The following UNC13C variants were observed in gnomAD, a reference collection of about 807,000 sequenced individuals.
UNC13C encodes the protein unc-13 homolog C, also known as protein unc-13 homolog C.
A neutral mutation model predicts 245.4 loss-of-function variants in UNC13C; 174 were observed. The observed-to-expected ratio is 0.71, with a 90% CI of 0.63 to 0.80. The LOEUF is 0.80. UNC13C is among the 30% of genes least tolerant of loss of function. The pLI is 0.00. For synonymous variants in UNC13C, 992 were observed against 895.1 expected (o/e 1.11, Z -1.93); for missense variants, 2,829 against 2,602.9 (o/e 1.09, Z -1.89).
chr15:54,223,694 A>T lies in UNC13C; in HGVS notation c.3072-11336A>T, dbSNP rs370182460. Among the ~76,000 whole-genome samples, 17 of 151,680 alleles carry T rather than the reference A, an allele frequency of 1.1e-4. No homozygotes were observed. The East Asian group carries it at 2.7e-3, about 24-fold the overall frequency. On this transcript the variant is annotated intron_variant, in intron 4 of 32. Transcript: ENST00000260323. Reference sequence around the variant, plus strand: ...GAAGGGCATTAGTATTTTGATAGGGATTGTATTAAATCTGTAGATTGCTTT... The same window carrying T: ...GAAGGGCATTAGTATTTTGATAGGGTTTGTATTAAATCTGTAGATTGCTTT...
chr15:54,449,527 A>G (rs572963353), intron 19 of UNC13C, among the ~76,000 whole-genome samples: 26 of 152,124 alleles, frequency 1.7e-4, no homozygotes, highest in Admixed American at 3.9e-4. Context: ...AATTCATTTG[A>G]TATTCAATCA....
the UNC13C span, among the ~76,000 whole-genome samples, chr15:53,908,637 C>T: frequency 6.3e-5 from 9 of 142,658 alleles, 3 homozygotes; most frequent in Non-Finnish European, 1.1e-4. Context: ...CACCTGTAGT[C>T]CCAGCTTGGG....
At chr15:54,188,112 C>G (rs2034059001) in intron 4 of UNC13C, among the ~76,000 whole-genome samples, 2 of 152,096 alleles carry the variant, frequency 1.3e-5, no homozygotes, top group South Asian at 4.1e-4. Context: ...GCCTTCGAGC[C>G]CGGCCACACT....
At chr15:54,559,853 G>A (rs567562242) in intron 29 of UNC13C, among the ~76,000 whole-genome samples, 2 of 152,058 alleles carry the variant, frequency 1.3e-5, no homozygotes, top group South Asian at 4.1e-4. Flanking sequence ...ATGACTGGCT[G>A]AGTATCACAG....
At chr15:54,099,832 T>C (rs1322749190) in intron 2 of UNC13C, among the ~76,000 whole-genome samples, 1 of 152,120 alleles carries the variant, frequency 6.6e-6, no homozygotes, top group African/African-American at 2.4e-5. Context: ...CAGTGGCTCA[T>C]GCCTGTAATC....
intron 17 of UNC13C, among the ~76,000 whole-genome samples, chr15:54,374,649 GC>G (rs1300871171): frequency 6.6e-6 from 1 of 152,230 alleles, no homozygotes; most frequent in Non-Finnish European, 1.5e-5. Flanking sequence ...GCCTTCTAGG[GC>G]CCCTGAGCTC....
At chr15:54,479,946 T>G (rs1445429943) in intron 19 of UNC13C, among the ~76,000 whole-genome samples, 1 of 152,092 alleles carries the variant, frequency 6.6e-6, no homozygotes, top group Non-Finnish European at 1.5e-5. Flanking sequence ...ATTGGCAGTT[T>G]TTTGTTGTTG....
At chr15:54,420,868 T>C (rs1596351037) in intron 19 of UNC13C, among the ~76,000 whole-genome samples, 1 of 152,054 alleles carries the variant, frequency 6.6e-6, no homozygotes, top group Non-Finnish European at 1.5e-5. Context: ...TCTGGTTCAC[T>C]GAAAAGAAAT....
intron 19 of UNC13C, among the ~76,000 whole-genome samples, chr15:54,446,942 CTTA>C (rs1474953342): frequency 1.3e-5 from 2 of 152,124 alleles, no homozygotes; most frequent in Admixed American, 6.6e-5. Context: ...GTAAATAGCA[CTTA>C]TTATTTTGAG....
At chr15:54,625,533 T>G (rs1901079291) in intron 32 of UNC13C, among the ~76,000 whole-genome samples, 1 of 152,138 alleles carries the variant, frequency 6.6e-6, no homozygotes, top group Non-Finnish European at 1.5e-5. Flanking sequence ...GAGATGTCAT[T>G]TAATTCAACA....
chr15:54,452,440 G>T (rs1891230104), intron 19 of UNC13C, among the ~76,000 whole-genome samples: 1 of 152,164 alleles, frequency 6.6e-6, no homozygotes, highest in Non-Finnish European at 1.5e-5. Flanking sequence ...CCCACAGGTG[G>T]TGTATAGGGG....
chr15:54,551,686 C>A (rs548051902), intron 28 of UNC13C, among the ~76,000 whole-genome samples: 1 of 152,144 alleles, frequency 6.6e-6, no homozygotes, highest in Admixed American at 6.6e-5. Flanking sequence ...ACATGAAGGA[C>A]TAAAGATAGT....
chr15:53,993,675 C>T (rs1473382367), intron 1 of UNC13C, among the ~76,000 whole-genome samples: 3 of 152,038 alleles, frequency 2.0e-5, no homozygotes, highest in Non-Finnish European at 4.4e-5. Flanking sequence ...CAAAAGTTTA[C>T]TCAGAGGATA....
intron 16 of UNC13C, among the ~76,000 whole-genome samples, chr15:54,336,558 G>A (rs2038582378): frequency 6.6e-6 from 1 of 151,180 alleles, no homozygotes; most frequent in Non-Finnish European, 1.5e-5. Flanking sequence ...TTTTTGGTGT[G>A]TTTCTTCTAA....
chr15:54,004,662 A>C (rs145936149), intron 1 of UNC13C, among the ~76,000 whole-genome samples: 144 of 152,300 alleles, frequency 9.5e-4, no homozygotes, highest in African/African-American at 3.3e-3. Context: ...CAACATCCTC[A>C]CCAGCATTTG....
chr15:54,415,386 AG>A (rs2040498127), intron 19 of UNC13C, among the ~76,000 whole-genome samples: 1 of 152,108 alleles, frequency 6.6e-6, no homozygotes, highest in South Asian at 2.1e-4. Context: ...GGGGTGGATG[AG>A]TTGTTTAGTC....
chr15:54,155,374 T>C (rs2032698204), intron 4 of UNC13C, among the ~76,000 whole-genome samples: 1 of 152,212 alleles, frequency 6.6e-6, no homozygotes, highest in Admixed American at 6.5e-5. Context: ...CCTATCACTT[T>C]TGCCACATTC....
At position 54,239,624 on chromosome 15, in the gene UNC13C, C is replaced by CT. The variant is rs555421469; in HGVS notation, c.3228+1944dup. On this transcript the variant is annotated intron_variant, in intron 7 of 32. Coordinates refer to ENST00000260323, the MANE Select transcript of UNC13C (RefSeq NM_001080534.3). ...TGCCACCACACTCAGCTAATATTTC[C>CT]TTTTTTTTTTAGAGACAGGGTCTCA... 8.0e-3 allele frequency among the ~76,000 whole-genome samples: 1,192 copies of CT among 149,018 alleles called. 12 individuals carry two copies. The highest frequency in any genetic ancestry group is 0.014 in the Non-Finnish European group (916 of 66,692).
intron 4 of UNC13C, among the ~76,000 whole-genome samples, chr15:54,143,896 A>T (rs2032138865): frequency 7.7e-6 from 1 of 129,276 alleles, no homozygotes; most frequent in Non-Finnish European, 1.9e-5. Context: ...TATGTATATG[A>T]TTATATATAT....
Sources: allele counts gnomAD v4.1 joint callset (sites outside exome capture counted in the v4.1 genomes callset), GRCh38; gene constraint gnomAD v4.1.1; transcripts MANE v1.5; gene names NCBI Gene and HGNC (gene_info 2026-07-23, HGNC 2026-07-21).